The following DISC1 variants were observed in gnomAD, a reference collection of about 807,000 sequenced individuals.
DISC1 encodes disrupted in schizophrenia 1 protein.
DISC1 carries 57 observed loss-of-function variants against 84.5 expected under a neutral mutation model. The observed-to-expected ratio is 0.67, with a 90% CI of 0.55 to 0.84. The LOEUF (loss-of-function observed/expected upper bound fraction) is 0.84. Among genes scored for constraint, DISC1 ranks in the 40% least tolerant of loss-of-function variants. DISC1 has a pLI of 0.00. For missense variants in DISC1, 1,000 were observed against 1,057.8 expected (o/e 0.95, Z 0.76); for synonymous variants, 411 against 415.2 (o/e 0.99, Z 0.12).
At chr1:231,879,556 G>T (rs138548670) in intron 9 of DISC1, among the ~76,000 whole-genome samples, 14 of 151,838 alleles carry the variant, frequency 9.2e-5, no homozygotes, top group African/African-American at 3.4e-4. Flanking sequence ...GACCTGTGGG[G>T]GCTGTGATGG....
chr1:231,869,044 G>T (rs1446290976), intron 9 of DISC1, among the ~76,000 whole-genome samples: 1 of 152,068 alleles, frequency 6.6e-6, no homozygotes, highest in Non-Finnish European at 1.5e-5. Context: ...CACGTTGCTG[G>T]ACCCATAATG....
chr1:231,766,288 T>TAAAAAAAAAAAAAAA (rs61578768), intron 4 of DISC1, among the ~76,000 whole-genome samples: 1 of 106,128 alleles, frequency 9.4e-6, no homozygotes. Context: ...AGACATTATC[T>TAAAAAAAAAAAAAAA]AAAAAAAAAA....
At chr1:231,638,804 T>C (rs1249754832) in intron 1 of DISC1, among the ~76,000 whole-genome samples, 2 of 152,190 alleles carry the variant, frequency 1.3e-5, no homozygotes, top group Non-Finnish European at 2.9e-5. Flanking sequence ...AACATCCAAA[T>C]TAGGAGACTG....
chr1:231,896,647 GAC>G (rs2087714069), intron 9 of DISC1, among the ~76,000 whole-genome samples: 1 of 152,104 alleles, frequency 6.6e-6, no homozygotes, highest in Non-Finnish European at 1.5e-5. Context: ...GTGGCTCAGG[GAC>G]CCAAAATATC....
At chr1:231,955,552 C>T (rs1169221317) in intron 9 of DISC1, among the ~76,000 whole-genome samples, 16 of 150,714 alleles carry the variant, frequency 1.1e-4, no homozygotes, top group African/African-American at 3.4e-4. Flanking sequence ...TGCAGTGGCA[C>T]GATCTCGGCT....
In DISC1 at chr1:232,034,904, A is replaced by G. The variant is rs751072912; in HGVS notation, c.2426-1788A>G. Reference sequence around the variant, plus strand: ...GAAGCAACCAAAGCCTCTTAAAAAAAAAAAAGAAAGAAAGGTAAATATTGG... The same window carrying G: ...GAAGCAACCAAAGCCTCTTAAAAAAGAAAAAGAAAGAAAGGTAAATATTGG... On this transcript the variant is annotated intron_variant, in intron 12 of 12. Transcript: ENST00000439617. Among the ~76,000 whole-genome samples the G allele has an allele frequency of 9.2e-5, 14 of 152,132 alleles. No individual in the cohort carries two copies. The Middle Eastern group carries it at 0.01, about 111-fold the overall frequency.
Position 231,694,633 on chromosome 1 carries a change from A to G in DISC1, c.875A>G (p.His292Arg), listed in dbSNP as rs776902304. 1.9e-6 allele frequency: 3 copies of G among 1,614,248 alleles called. No individual in the cohort carries two copies. The highest frequency in any genetic ancestry group is 2.5e-6 in the Non-Finnish European group (3 of 1,180,034). The change falls in exon 2 of 13, where the codon CAT becomes CGT. Residue 292 changes from histidine (H) to arginine (R), a missense_variant. His to Arg is a conservative substitution (Grantham distance 29). Transcript: ENST00000439617. ...RNSSRPERDM[H>R]SLPDMDPGSS... ...AGCTCCAGGCCAGAGCGTGACATGCATTCTTTACCAGACATGGACCCTGGC... is the reference window on the plus strand; with the variant it reads ...AGCTCCAGGCCAGAGCGTGACATGCGTTCTTTACCAGACATGGACCCTGGC...
chr1:231,967,387 C>A (rs888250398), intron 10 of DISC1, among the ~76,000 whole-genome samples: 5 of 152,212 alleles, frequency 3.3e-5, no homozygotes, highest in Non-Finnish European at 5.9e-5. Flanking sequence ...ATTATAATTT[C>A]TATTTTATGC....
chr1:231,806,394 T>C (rs1420736069), intron 8 of DISC1, among the ~76,000 whole-genome samples: 1 of 152,196 alleles, frequency 6.6e-6, no homozygotes, highest in African/African-American at 2.4e-5. Flanking sequence ...GGGCCACTTG[T>C]CAATGGGGTG....
intron 5 of DISC1, 149 bp from the exon 6 acceptor site, chr1:231,770,686 C>A (rs2125455816): frequency 2.2e-6 from 3 of 1,346,152 alleles, no homozygotes; most frequent in Non-Finnish European, 3.1e-6. Flanking sequence ...TCCAGTTCAG[C>A]AAACCTCCAA....
chr1:231,745,595 T>C (rs1210696179), intron 3 of DISC1: 1 of 158,928 alleles, frequency 6.3e-6, no homozygotes, highest in Non-Finnish European at 1.4e-5. Flanking sequence ...AAATATACTA[T>C]TGTGAACTAT....
At chr1:231,750,585 C>G (rs1354661440) in intron 4 of DISC1, 1 of 985,750 alleles carries the variant, frequency 1.0e-6, no homozygotes, top group African/African-American at 1.7e-5. Context: ...AATCCAGTGG[C>G]TTGTGGTCCT....
intron 9 of DISC1, among the ~76,000 whole-genome samples, chr1:231,840,405 T>A (rs941289009): frequency 6.6e-6 from 1 of 152,354 alleles, no homozygotes; most frequent in Admixed American, 6.5e-5. Flanking sequence ...ACAAGTCAAA[T>A]GTCCTTCACT....
chr1:231,913,051 G>A (rs901920146), intron 9 of DISC1, among the ~76,000 whole-genome samples: 1 of 151,994 alleles, frequency 6.6e-6, no homozygotes, highest in African/African-American at 2.4e-5. Context: ...GGGACCACAG[G>A]CACACACCAC....
At chr1:231,679,966 G>T (rs2063526496) in intron 1 of DISC1, among the ~76,000 whole-genome samples, 1 of 152,200 alleles carries the variant, frequency 6.6e-6, no homozygotes, top group South Asian at 2.1e-4. Context: ...AGTGGTTCAT[G>T]CCTGTAATCC....
intron 10 of DISC1, among the ~76,000 whole-genome samples, chr1:231,972,989 C>T (rs531008162): frequency 1.3e-5 from 2 of 151,978 alleles, no homozygotes; most frequent in African/African-American, 2.4e-5. Flanking sequence ...TGATGGATTC[C>T]AGTCAATTGT....
intron 2 of DISC1, 91 bp downstream of exon 2, chr1:231,694,896 A>G: frequency 6.5e-7 from 1 of 1,546,076 alleles, no homozygotes; most frequent in South Asian, 1.2e-5. Flanking sequence ...TTCTGGGCTC[A>G]ACTGACTTCC....
chr1:231,819,311 G>A (rs1320525261), intron 9 of DISC1: 1 of 281,238 alleles, frequency 3.6e-6, no homozygotes, highest in African/African-American at 2.3e-5. Flanking sequence ...TTTGAAATAG[G>A]GCTTTTGTAA....
At chr1:231,700,575 T>A (rs2066287581) in intron 2 of DISC1, among the ~76,000 whole-genome samples, 1 of 152,190 alleles carries the variant, frequency 6.6e-6, no homozygotes, top group Middle Eastern at 3.2e-3. Flanking sequence ...AAGTCAAAAG[T>A]TATACACAGA....
Sources: gnomAD v4.1 joint callset for allele counts (sites outside exome capture counted in the v4.1 genomes callset) on GRCh38, gnomAD v4.1.1 for gene constraint, MANE v1.5 for transcripts, NCBI Gene and HGNC (gene_info 2026-07-23, HGNC 2026-07-21) for gene names.